The following PLCH2 variants were observed in gnomAD, a reference collection of about 807,000 sequenced individuals.
The protein encoded by PLCH2 is phospholipase C eta 2, also known as 1-phosphatidylinositol 4,5-bisphosphate phosphodiesterase eta-2.
A neutral mutation model predicts 134.7 loss-of-function variants in PLCH2; 98 were observed. The ratio of observed to expected loss-of-function variants is 0.73; its 90% CI spans 0.62 to 0.86. PLCH2 has a LOEUF of 0.86. PLCH2 is among the 40% of genes least tolerant of loss of function. The pLI is 0.00. For synonymous variants in PLCH2, 974 were observed against 827.5 expected, an observed-to-expected ratio of 1.18 and a Z score of -3.04; for missense variants, 1,994 against 1,986.6, an observed-to-expected ratio of 1.00 and a Z score of -0.07.
rs112641414 is a variant in PLCH2 at position 2,459,408 on chromosome 1, C to G, written c.116-19068C>G. Among the ~76,000 whole-genome samples the G allele has an allele frequency of 1.2e-3, 109 of 93,142 alleles. 8 individuals are homozygous for G. The East Asian group carries it at 0.013, about 11-fold the overall frequency. The allele number at this position is 93,142 out of a possible 152,430, so 61.1% of individuals were successfully genotyped here. ...GTCCTCCTTCCTGGTGGTTCTCCTT[C>G]CTGGTGGTCCTCCTTGCCGGTGGTC... On this transcript the variant is annotated intron_variant, in intron 2 of 3. Transcript: ENST00000609981.
intron 11 of PLCH2, chr1:2,494,496 C>A (rs1340892615): frequency 2.7e-6 from 1 of 370,048 alleles, no homozygotes; most frequent in Non-Finnish European, 5.1e-6. Context: ...ATTCCAGGCA[C>A]ACAAACGCAG....
Position 2,479,955 on chromosome 1 carries a change from C to T in PLCH2, c.493C>T (p.Arg165Cys), listed in dbSNP as rs542772998. The change falls in exon 3 of 22, where the codon CGC (arginine) becomes TGC (cysteine). Residue 165 changes from arginine to cysteine, a missense_variant. Arg to Cys is a radical substitution (Grantham distance 180, BLOSUM62 -3). Transcript: ENST00000378486. The part of the protein sequence containing the change: ...AGISDEDSLA[R>C]RQRTRDQWLK... Reference sequence around the variant, plus strand: ...CATCAGCGACGAGGACAGCCTGGCTCGCCGCCAGCGCACCAGGGACCAATA... The same window carrying T: ...CATCAGCGACGAGGACAGCCTGGCTTGCCGCCAGCGCACCAGGGACCAATA... The T allele has an allele frequency of 2.1e-5, 34 of 1,606,760 alleles. No individual in the cohort carries two copies. In the East Asian group the frequency reaches 3.4e-4, roughly 16 times the overall value.
chr1:2,476,840 C>A (rs1229262189), intron 1 of PLCH2, 128 bp downstream of exon 1: 13 of 984,650 alleles, frequency 1.3e-5, no homozygotes, highest in Non-Finnish European at 8.6e-6. Flanking sequence ...CCTCCCCTGT[C>A]CCCCGGGTGC....
At chr1:2,472,138 C>T (rs138713647), upstream of PLCH2, among the ~76,000 whole-genome samples, 14 of 152,090 alleles carry the variant, frequency 9.2e-5, no homozygotes, top group Non-Finnish European at 1.5e-4. Context: ...GGGGAGGGCT[C>T]GAGGCACCGA....
chr1:2,419,842 C>T, the PLCH2 span, among the ~76,000 whole-genome samples: 1 of 152,094 alleles, frequency 6.6e-6, no homozygotes, highest in Non-Finnish European at 1.5e-5. Flanking sequence ...AGAAGCTGGA[C>T]TGGGACCCTC....
At chr1:2,480,366 G>C in intron 4 of PLCH2, 54 bp downstream of exon 4, 1 of 1,575,560 alleles carries the variant, frequency 6.3e-7, no homozygotes, top group Non-Finnish European at 8.6e-7. Context: ...CACGGGGGCT[G>C]TGCTTGTGTG....
chr1:2,428,946 C>T (rs930731578), intron 1 of PLCH2, among the ~76,000 whole-genome samples: 2 of 152,216 alleles, frequency 1.3e-5, no homozygotes, highest in Admixed American at 6.5e-5. Flanking sequence ...TCCTGGGGGC[C>T]CCGGGGTGGG....
At chr1:2,427,806 C>T (rs1447465007) in intron 1 of PLCH2, among the ~76,000 whole-genome samples, 1 of 152,022 alleles carries the variant, frequency 6.6e-6, no homozygotes, top group Non-Finnish European at 1.5e-5. Flanking sequence ...GAAGTGGGAG[C>T]CCTCCGGGGG....
At chr1:2,477,888 C>G (rs1201851474) in intron 1 of PLCH2, among the ~76,000 whole-genome samples, 1 of 152,214 alleles carries the variant, frequency 6.6e-6, no homozygotes, top group Non-Finnish European at 1.5e-5. Context: ...CACAGGCACT[C>G]AGGAATTCGA....
rs1350947291 is a variant in PLCH2, at chr1:2,505,427, C to T, written c.*214C>T. 5.3e-6 allele frequency: 3 copies of T among 565,804 alleles called. No individual in the cohort carries two copies. In the African/African-American group the frequency reaches 5.9e-5, roughly 11 times the overall value. 35.0% of individuals were successfully genotyped at this position (565,804 alleles called of 1,614,324 possible). On this transcript the variant is annotated 3_prime_UTR_variant, in exon 22 of 22. Transcript: ENST00000378486. ...CACAGGAGGGGCTTCGAGGCTGGCC[C>T]TGCCAGGCAGTTTTCCCGGCGTTTT...
In PLCH2 at chr1:2,499,090, ACCC is replaced by A. The variant is rs1344909641; in HGVS notation, c.2443_2445del (p.Pro815del). On this transcript the variant is annotated inframe_deletion, in exon 19 of 22. Coordinates refer to ENST00000378486, the MANE Select transcript of PLCH2 (RefSeq NM_014638.4). ...CCTGGCGCTGCTTCCCCAGGGTTCAACCCCACCTGGGAGGAGACCCTGGTTTTC... is the reference window on the plus strand; with the variant it reads ...CCTGGCGCTGCTTCCCCAGGGTTCAACACCTGGGAGGAGACCCTGGTTTTC... 2 of 1,609,466 alleles carry A rather than the reference ACCC, an allele frequency of 1.2e-6. No homozygotes were observed. The highest frequency in any genetic ancestry group is 1.7e-6 in the Non-Finnish European group (2 of 1,178,526).
chr1:2,441,829 T>A (rs983185529), intron 2 of PLCH2, among the ~76,000 whole-genome samples: 3 of 152,062 alleles, frequency 2.0e-5, no homozygotes, highest in Non-Finnish European at 4.4e-5. Context: ...TTGCCTTCCA[T>A]CCACAGCCCG....
At chr1:2,419,043 G>A in the PLCH2 span, among the ~76,000 whole-genome samples, 1 of 152,188 alleles carries the variant, frequency 6.6e-6, no homozygotes, top group Admixed American at 6.5e-5. Context: ...CGGTTGGCAC[G>A]GCTCATCCTC....
In PLCH2 at chr1:2,478,594, G is replaced by A; in HGVS notation, c.243G>A (p.Arg81=). The A allele has an allele frequency of 6.2e-7, 1 of 1,611,578 alleles. No individual in the cohort carries two copies. Among genetic ancestry groups the A allele is most frequent in the Non-Finnish European group, 8.5e-7 (1 of 1,179,338 alleles). The change falls in exon 2 of 22, where the codon AGG becomes AGA. Residue 81 remains arginine (R), a synonymous_variant. Transcript: ENST00000378486. ...LDEHRSCIRW[R]PSRKNEKAKI... ...AGCACCGCTCCTGCATCCGCTGGAG[G>A]CCCTCACGCAAGAACGAGAAGGCCA...
At chr1:2,434,606 G>C (rs551044622) in intron 2 of PLCH2, among the ~76,000 whole-genome samples, 2 of 152,344 alleles carry the variant, frequency 1.3e-5, no homozygotes, top group African/African-American at 4.8e-5. Context: ...ACTGGGCCGT[G>C]GGACCCTCCA....
rs1293088170 is a variant in PLCH2 at position 2,468,999 on chromosome 1, G to T, written c.43+1337G>T. On this transcript the variant is annotated intron_variant, in intron 1 of 21. Transcript: ENST00000449969. Reference sequence around the variant, plus strand: ...AGTGGAGGTGCCCTCTCTGAATGGAGAATAGTGTGGCAGATGTAACCAGGG... The same window carrying T: ...AGTGGAGGTGCCCTCTCTGAATGGATAATAGTGTGGCAGATGTAACCAGGG... Among the ~76,000 whole-genome samples the T allele has an allele frequency of 2.6e-5, 4 of 152,186 alleles. No homozygotes were observed. The East Asian group carries it at 7.7e-4, about 29-fold the overall frequency.
chr1:2,459,490 TG>T (rs1640684184), intron 2 of PLCH2, among the ~76,000 whole-genome samples: 13 of 13,726 alleles, frequency 9.5e-4, no homozygotes, highest in Admixed American at 3.7e-3. Context: ...TCCTCCTTCC[TG>T]GTGGTCCTCC....
At chr1:2,486,772 C>T (rs897553061) in intron 5 of PLCH2, 135 bp from the exon 6 acceptor site, 1 of 702,030 alleles carries the variant, frequency 1.4e-6, no homozygotes, top group African/African-American at 1.8e-5. Context: ...AGTCATGTGA[C>T]ACTGGAGCTG....
chr1:2,479,740 T>C lies in PLCH2; in HGVS notation c.278T>C (p.Ile93Thr). Residue 93 changes from isoleucine to threonine, a missense_variant, in exon 3 of 22, where the codon ATC (isoleucine) becomes ACC (threonine). Physicochemically the swap from Ile to Thr is moderately conservative, Grantham distance 89. Around this residue, in one of 2 missense-constraint regions of PLCH2, gnomAD observed 1,094 missense variants for 1,234.3 expected, o/e 0.89. Transcript: ENST00000378486. ...CTCCCTCCCCACCCCGCAGTCTCCA[T>C]CGACTCCATCCAGGAGGTGAGTGAG... ...SRKNEKAKIS[I>T]DSIQEVSEGR... 1 of 1,539,976 alleles carries C rather than the reference T, an allele frequency of 6.5e-7. No individual in the cohort carries two copies. Among genetic ancestry groups the C allele is most frequent in the Non-Finnish European group, 8.8e-7 (1 of 1,138,496 alleles).
Sources: allele counts gnomAD v4.1 joint callset (sites outside exome capture counted in the v4.1 genomes callset), GRCh38; gene constraint gnomAD v4.1.1; regional missense constraint gnomAD v4.1.1; transcripts MANE v1.5; gene names NCBI Gene and HGNC (gene_info 2026-07-23, HGNC 2026-07-21).